Variants in PAM observed in about 807,000 individuals in gnomAD.
The protein encoded by PAM is peptidylglycine alpha-amidating monooxygenase.
In PAM, 72 loss-of-function variants were observed where a neutral mutation model predicts 122.1. The observed-to-expected ratio is 0.59, with a 90% CI of 0.49 to 0.72. PAM has a LOEUF of 0.72. PAM is among the 30% of genes least tolerant of loss of function. The pLI is 0.00. For synonymous variants in PAM, 389 were observed against 404.4 expected, an observed-to-expected ratio of 0.96 and a Z score of 0.46; for missense variants, 1,106 against 1,183.7, an observed-to-expected ratio of 0.93 and a Z score of 0.96.
At chr5:102,944,392 C>G (rs901613322) in intron 7 of PAM, among the ~76,000 whole-genome samples, 2 of 152,024 alleles carry the variant, frequency 1.3e-5, no homozygotes, top group Non-Finnish European at 2.9e-5. Flanking sequence ...GAGAGTTAAC[C>G]TGGCGCCCAA....
At chr5:102,938,854 T>C (rs575611102) in intron 7 of PAM, among the ~76,000 whole-genome samples, 1 of 152,240 alleles carries the variant, frequency 6.6e-6, no homozygotes, top group East Asian at 1.9e-4. Context: ...TGTTTTTCAC[T>C]AACCACTCCC....
chr5:102,849,288 G>T (rs1156669115), intron 1 of PAM, among the ~76,000 whole-genome samples: 1 of 152,166 alleles, frequency 6.6e-6, no homozygotes, highest in Non-Finnish European at 1.5e-5. Context: ...CGGACGCGGT[G>T]CCTCACGCCT....
At chr5:102,979,237 T>C (rs1459192521) in intron 15 of PAM, among the ~76,000 whole-genome samples, 1 of 152,146 alleles carries the variant, frequency 6.6e-6, no homozygotes, top group Admixed American at 6.6e-5. Context: ...CATTTGCAAT[T>C]AAAGAAATTT....
chr5:102,939,417 T>G (rs1337551417), intron 7 of PAM, among the ~76,000 whole-genome samples: 2 of 152,168 alleles, frequency 1.3e-5, no homozygotes, highest in Non-Finnish European at 2.9e-5. Context: ...TTAACTGTGA[T>G]GTACCCCTAA....
chr5:102,926,282 A>T (rs187562521), intron 6 of PAM, among the ~76,000 whole-genome samples: 1 of 152,330 alleles, frequency 6.6e-6, no homozygotes, highest in African/African-American at 2.4e-5. Context: ...TTAAATAATC[A>T]ATAGAGACAG....
chr5:103,006,764 T>C lies in PAM; in HGVS notation c.1804-37T>C, dbSNP rs376876372. The C allele has an allele frequency of 1.2e-4, 176 of 1,484,020 alleles. 2 individuals carry two copies. The African/African-American group carries it at 1.6e-3, about 13-fold the overall frequency. The allele number at this position is 1,484,020 out of a possible 1,614,324, so 91.9% of individuals were successfully genotyped here. On this transcript the variant is annotated intron_variant, in intron 18 of 25. Transcript: ENST00000438793. ...TGTGGGTGTAAGTCACTAATAACCA[T>C]GAAAAGTAGGTAAGGCTTTTGTTCC...
chr5:102,908,285 A>C (rs1456503280), intron 4 of PAM, among the ~76,000 whole-genome samples: 10 of 151,672 alleles, frequency 6.6e-5, no homozygotes, highest in Non-Finnish European at 1.2e-4. Flanking sequence ...ATAGTTGTAG[A>C]TATGCGGCGT....
chr5:102,840,470 G>A (rs1409979826), intron 1 of PAM, among the ~76,000 whole-genome samples: 2 of 152,016 alleles, frequency 1.3e-5, no homozygotes, highest in Non-Finnish European at 2.9e-5. Context: ...ATAATAAATT[G>A]GGTTTCACAA....
At chr5:102,985,685 A>G (rs984887253) in intron 15 of PAM, among the ~76,000 whole-genome samples, 2 of 152,152 alleles carry the variant, frequency 1.3e-5, no homozygotes, top group Non-Finnish European at 2.9e-5. Context: ...ACTAATAACA[A>G]TTTTTTCAAA....
At chr5:102,970,797 T>C (rs570022270) in intron 14 of PAM, among the ~76,000 whole-genome samples, 1 of 152,054 alleles carries the variant, frequency 6.6e-6, no homozygotes, top group South Asian at 2.1e-4. Context: ...TTTTTTTTAA[T>C]TTTATTTTTT....
intron 15 of PAM, among the ~76,000 whole-genome samples, chr5:102,985,580 A>G (rs373136112): frequency 6.6e-6 from 1 of 152,130 alleles, no homozygotes; most frequent in East Asian, 1.9e-4. Context: ...CACCAATAAC[A>G]GGTAATGAGA....
At chr5:102,814,586 C>G (rs569720711) in intron 1 of PAM, among the ~76,000 whole-genome samples, 1 of 145,878 alleles carries the variant, frequency 6.9e-6, no homozygotes, top group East Asian at 2.0e-4. Flanking sequence ...TTGATATATA[C>G]ATATATATTG....
intron 1 of PAM, among the ~76,000 whole-genome samples, chr5:102,797,472 G>C (rs1272651618): frequency 6.6e-6 from 1 of 152,164 alleles, no homozygotes; most frequent in African/African-American, 2.4e-5. Flanking sequence ...TTGTTTCCTA[G>C]TATGTGTTTT....
intron 11 of PAM, 79 bp from the exon 12 acceptor site, chr5:102,950,638 A>G (rs915849279): frequency 4.7e-6 from 4 of 849,694 alleles, no homozygotes; most frequent in African/African-American, 3.3e-5. Context: ...AAGGAGGAAC[A>G]TACCTCAACA....
intron 7 of PAM, among the ~76,000 whole-genome samples, chr5:102,932,919 C>T (rs141067380): frequency 5.9e-5 from 9 of 152,100 alleles, no homozygotes; most frequent in Admixed American, 2.0e-4. Flanking sequence ...CCTATCTGTT[C>T]TTCTGTATTT....
intron 16 of PAM, among the ~76,000 whole-genome samples, chr5:102,994,509 A>G (rs1336503015): frequency 6.6e-6 from 1 of 152,086 alleles, no homozygotes; most frequent in African/African-American, 2.4e-5. Flanking sequence ...AGTACCTCAC[A>G]TATTATTTGA....
intron 1 of PAM, among the ~76,000 whole-genome samples, chr5:102,854,702 C>T (rs1782174324): frequency 6.6e-6 from 1 of 152,118 alleles, no homozygotes; most frequent in African/African-American, 2.4e-5. Context: ...TCTGTGAGCA[C>T]CTTGTTAAAA....
chr5:102,975,889 C>A (rs904003687), intron 15 of PAM, among the ~76,000 whole-genome samples: 10 of 152,128 alleles, frequency 6.6e-5, no homozygotes. Context: ...ATATCATGGT[C>A]ATTTGTAGGC....
At chr5:102,908,110 A>C (rs1800168419) in intron 4 of PAM, among the ~76,000 whole-genome samples, 1 of 152,038 alleles carries the variant, frequency 6.6e-6, no homozygotes, top group Admixed American at 6.6e-5. Context: ...TTTTAGGTCT[A>C]ACATGTAAGT....
Sources: gnomAD v4.1 joint callset for allele counts (sites outside exome capture counted in the v4.1 genomes callset) on GRCh38, gnomAD v4.1.1 for gene constraint, MANE v1.5 for transcripts, NCBI Gene and HGNC (gene_info 2026-07-23, HGNC 2026-07-21) for gene names.